The following RRBP1 variants were observed in gnomAD, a reference collection of about 807,000 sequenced individuals.
RRBP1 encodes ribosome-binding protein 1.
A neutral mutation model predicts 165.2 loss-of-function variants in RRBP1; 94 were observed. That is an observed-to-expected ratio of 0.57 (90% CI 0.48 to 0.68). The LOEUF (loss-of-function observed/expected upper bound fraction) is 0.68, where lower values mean the gene tolerates loss of function less well. Among genes scored for constraint, RRBP1 ranks in the 30% least tolerant of loss-of-function variants. The pLI, the probability that RRBP1 is intolerant of heterozygous loss-of-function variation, is 0.00. For synonymous variants in RRBP1, 680 were observed against 714.5 expected (o/e 0.95, Z 0.77); for missense variants, 1,676 against 1,763.0 (o/e 0.95, Z 0.88).
intron 3 of RRBP1, among the ~76,000 whole-genome samples, chr20:17,651,549 T>A (rs986499115): frequency 1.3e-5 from 2 of 152,172 alleles, no homozygotes; most frequent in African/African-American, 4.8e-5. Flanking sequence ...GCAGGTGCAA[T>A]ACGGAAAGAT....
intron 2 of RRBP1, among the ~76,000 whole-genome samples, chr20:17,660,806 A>G (rs1447126225): frequency 1.3e-5 from 2 of 152,206 alleles, no homozygotes; most frequent in Non-Finnish European, 2.9e-5. Context: ...CACGCCCAGG[A>G]GCCTCAGCAG....
chr20:17,675,093 A>G (rs1026778455), intron 2 of RRBP1, among the ~76,000 whole-genome samples: 1 of 152,272 alleles, frequency 6.6e-6, no homozygotes, highest in Non-Finnish European at 1.5e-5. Flanking sequence ...GAGGGCTCCC[A>G]GGAGAGAGCC....
intron 8 of RRBP1, among the ~76,000 whole-genome samples, chr20:17,632,904 G>T (rs541346726): frequency 3.9e-5 from 6 of 152,312 alleles, no homozygotes; most frequent in Admixed American, 2.6e-4. Flanking sequence ...GGGAAAAAAG[G>T]CCTCAAGGCC....
chr20:17,642,865 A>T, intron 4 of RRBP1, 114 bp downstream of exon 4: 2 of 1,194,182 alleles, frequency 1.7e-6, no homozygotes, highest in African/African-American at 3.0e-5. Context: ...TTCTGCCAGG[A>T]AAGAGAAGTG....
chr20:17,662,182 G>A, intron 2 of RRBP1, among the ~76,000 whole-genome samples: 1 of 151,838 alleles, frequency 6.6e-6, no homozygotes, highest in East Asian at 1.9e-4. Context: ...AGAATGGGAT[G>A]AACCTGGGAG....
chr20:17,627,728 C>T, intron 9 of RRBP1, 46 bp from the exon 10 acceptor site: 3 of 1,529,672 alleles, frequency 2.0e-6, no homozygotes, highest in Non-Finnish European at 2.6e-6. Context: ...CTGCAAACCC[C>T]AGGGGGTGTG....
rs974545511 is a variant in RRBP1 at position 17,613,826 on chromosome 20, G to A, written c.*356C>T. The A allele has an allele frequency of 7.1e-5, 14 of 197,152 alleles. No homozygotes were observed. Among genetic ancestry groups the A allele is most frequent in the African/African-American group, 2.4e-4 (10 of 42,380 alleles). 12.2% of individuals were successfully genotyped at this position (197,152 alleles called of 1,614,324 possible). A position where few individuals can be genotyped will look rare whatever the true frequency, so the allele number is the denominator to read the frequency against. Reference sequence around the variant, plus strand: ...GGCTGCCCGGTCCCACCCGCTTCCCGCCCCGCCCCACTGAAAAAACACTAA... The same window carrying A: ...GGCTGCCCGGTCCCACCCGCTTCCCACCCCGCCCCACTGAAAAAACACTAA... On this transcript the variant is annotated 3_prime_UTR_variant, in exon 25 of 25. Coordinates refer to ENST00000377813, the MANE Select transcript of RRBP1 (RefSeq NM_001365613.2).
intron 3 of RRBP1, among the ~76,000 whole-genome samples, chr20:17,648,975 G>A (rs1188654591): frequency 2.0e-5 from 3 of 152,166 alleles, no homozygotes; most frequent in Non-Finnish European, 2.9e-5. Flanking sequence ...GGCAGTGACC[G>A]GAGTCCCAGC....
At position 17,618,699 on chromosome 20, in the gene RRBP1, C is replaced by T. The variant is rs772944510; in HGVS notation, c.3676-20G>A. ...CCTCAGCTTGGGGAGAAAACAGAGG[C>T]GGGTGATGGGAAAAAAGGAGAGAAA... On this transcript the variant is annotated intron_variant, in intron 19 of 24. Transcript: ENST00000377813. 1.3e-5 allele frequency: 21 copies of T among 1,593,440 alleles called. No individual in the cohort carries two copies. Among genetic ancestry groups the T allele is most frequent in the Admixed American group, 1.2e-4 (7 of 59,944 alleles).
chr20:17,618,926 T>C (rs2035854879), intron 19 of RRBP1: 3 of 493,538 alleles, frequency 6.1e-6, no homozygotes, highest in Non-Finnish European at 1.1e-5. Flanking sequence ...GTTTACTGAT[T>C]ATCTCTGGCA....
intron 13 of RRBP1, among the ~76,000 whole-genome samples, chr20:17,622,435 T>C (rs1037487018): frequency 2.0e-5 from 3 of 152,072 alleles, no homozygotes; most frequent in Non-Finnish European, 4.4e-5. Flanking sequence ...GTGCGTCTGC[T>C]GGCGGCACCA....
chr20:17,620,161 C>T, intron 18 of RRBP1, 138 bp downstream of exon 18: 3 of 708,410 alleles, frequency 4.2e-6, no homozygotes, highest in Non-Finnish European at 7.5e-6. Flanking sequence ...TGGACAAGAT[C>T]CCTTGGCTTG....
intron 10 of RRBP1, 43 bp downstream of exon 10, chr20:17,627,461 T>C: frequency 1.9e-6 from 3 of 1,607,432 alleles, no homozygotes; most frequent in Non-Finnish European, 2.6e-6. Flanking sequence ...ACCTGCTAGA[T>C]GGAGTTCCCT....
rs138278283 is a variant in RRBP1, at chr20:17,658,470, G to C, written c.1912+126C>G. 8.0e-4 allele frequency: 614 copies of C among 769,682 alleles called. 1 individual carries two copies. Among genetic ancestry groups the C allele is most frequent in the African/African-American group, 4.5e-3 (254 of 57,034 alleles). The allele number at this position is 769,682 out of a possible 1,614,324, so 47.7% of individuals were successfully genotyped here. A position where few individuals can be genotyped will look rare whatever the true frequency, so the allele number is the denominator to read the frequency against. On this transcript the variant is annotated intron_variant, in intron 3 of 24. Coordinates refer to ENST00000377813, the MANE Select transcript of RRBP1 (RefSeq NM_001365613.2). ...GTTGAAGGCCACTGAATTTTTTTTT[G>C]AATGTTTGTTACGCAGCCTTATTAT...
chr20:17,671,692 C>T (rs560555706), intron 2 of RRBP1, among the ~76,000 whole-genome samples: 3 of 152,190 alleles, frequency 2.0e-5, no homozygotes, highest in African/African-American at 7.2e-5. Flanking sequence ...CAGCATTAAT[C>T]TCTGCCCCCT....
At chr20:17,625,214 A>T (rs1250929919) in intron 12 of RRBP1, among the ~76,000 whole-genome samples, 2 of 152,098 alleles carry the variant, frequency 1.3e-5, no homozygotes, top group Non-Finnish European at 2.9e-5. Context: ...ATCCCCACTT[A>T]GGGCAACCAC....
intron 13 of RRBP1, 83 bp downstream of exon 13, chr20:17,624,493 C>T: frequency 1.1e-6 from 1 of 897,302 alleles, no homozygotes; most frequent in Admixed American, 2.0e-5. Context: ...ATCTGGTGTC[C>T]TAGTGCATCT....
Position 17,613,985 on chromosome 20 carries a change from G to C in RRBP1, c.*197C>G, listed in dbSNP as rs2035741350. On this transcript the variant is annotated 3_prime_UTR_variant, in exon 25 of 25. Transcript: ENST00000377813. ...GCCCAGGATAGTGTTTATCAAATGT[G>C]ACACAGGTTCATTTACAAACTGGGG... 4.9e-6 allele frequency: 3 copies of C among 607,676 alleles called. No homozygotes were observed. The highest frequency in any genetic ancestry group is 8.9e-6 in the Non-Finnish European group (3 of 337,132). The allele number at this position is 607,676 out of a possible 1,614,324, so 37.6% of individuals were successfully genotyped here.
intron 1 of RRBP1, among the ~76,000 whole-genome samples, chr20:17,681,349 C>A (rs533894676): frequency 3.3e-3 from 485 of 148,188 alleles, no homozygotes; most frequent in Admixed American, 5.7e-3. Flanking sequence ...AAGTTGCCAC[C>A]GCGGCCGCCC....
Sources: allele counts gnomAD v4.1 joint callset (sites outside exome capture counted in the v4.1 genomes callset), GRCh38; gene constraint gnomAD v4.1.1; transcripts MANE v1.5; gene names NCBI Gene and HGNC (gene_info 2026-07-23, HGNC 2026-07-21).